FILIP1L: variants seen among roughly 807,000 people sequenced by gnomAD.
FILIP1L encodes filamin A interacting protein 1 like.
In FILIP1L, 55 loss-of-function variants were observed where a neutral mutation model predicts 96.6. The ratio of observed to expected loss-of-function variants is 0.57; its 90% CI spans 0.46 to 0.71. FILIP1L has a LOEUF of 0.71. Ranked by LOEUF, FILIP1L falls within the 30% of genes least tolerant of loss-of-function variation. The pLI, the probability that FILIP1L is intolerant of heterozygous loss-of-function variation, is 0.00. For synonymous variants in FILIP1L, 467 were observed against 473.9 expected (o/e 0.99, Z 0.19); for missense variants, 1,304 against 1,321.2 (o/e 0.99, Z 0.20).
intron 1 of FILIP1L, among the ~76,000 whole-genome samples, chr3:100,092,423 G>C (rs1474104120): frequency 1.3e-5 from 2 of 151,844 alleles, no homozygotes; most frequent in African/African-American, 4.8e-5. Flanking sequence ...TGAGAAGTTT[G>C]GCTTTTTTTT....
chr3:99,983,446 G>GTATA (rs1442427209), intron 1 of FILIP1L, among the ~76,000 whole-genome samples: 4 of 87,808 alleles, frequency 4.6e-5, no homozygotes, highest in Non-Finnish European at 6.3e-5. Context: ...ATATATGTAT[G>GTATA]TATATATATA....
At chr3:99,954,398 C>A (rs1708261596) in intron 1 of FILIP1L, among the ~76,000 whole-genome samples, 1 of 152,146 alleles carries the variant, frequency 6.6e-6, no homozygotes, top group African/African-American at 2.4e-5. Flanking sequence ...CATAATGGCT[C>A]CCAGTTTAAC....
chr3:99,864,798 G>A (rs957713185), intron 4 of FILIP1L, among the ~76,000 whole-genome samples: 6 of 151,904 alleles, frequency 3.9e-5, no homozygotes, highest in African/African-American at 1.5e-4. Context: ...GGAACCACTG[G>A]ATTCCCCCTC....
intron 4 of FILIP1L, among the ~76,000 whole-genome samples, chr3:99,907,903 G>A (rs1265891373): frequency 6.6e-6 from 1 of 152,196 alleles, no homozygotes; most frequent in Non-Finnish European, 1.5e-5. Context: ...GGCCATATGT[G>A]TGATCCAGTG....
At chr3:100,068,132 A>G (rs905989655) in intron 1 of FILIP1L, among the ~76,000 whole-genome samples, 1 of 152,274 alleles carries the variant, frequency 6.6e-6, no homozygotes, top group Admixed American at 6.5e-5. Context: ...CAAGGCAATC[A>G]GAGAAATGCA....
Position 99,848,345 on chromosome 3 carries a change from T to C in FILIP1L, c.3331A>G (p.Ile1111Val). Reference protein sequence around the residue: ...NKTTNKVTSSITITPTATPLP... With the variant: ...NKTTNKVTSSVTITPTATPLP... Reference sequence around the variant, plus strand: ...GGTGTGGCTGTTGGTGTGATAGTAATACTGCTGGTGACTTTATTGGTTGTT... The same window carrying C: ...GGTGTGGCTGTTGGTGTGATAGTAACACTGCTGGTGACTTTATTGGTTGTT... Residue 1111 changes from isoleucine (I) to valine (V), a missense_variant, in exon 5 of 6, where the codon ATT becomes GTT. Physicochemically the swap from Ile to Val is conservative, Grantham distance 29 (BLOSUM62 3). Transcript: ENST00000477258. 8 of 1,614,206 alleles carry C rather than the reference T, an allele frequency of 5.0e-6. No homozygotes were observed. Among genetic ancestry groups the C allele is most frequent in the Non-Finnish European group, 6.8e-6 (8 of 1,180,020 alleles).
At chr3:99,934,145 C>T (rs1336876999) in intron 1 of FILIP1L, among the ~76,000 whole-genome samples, 2 of 152,292 alleles carry the variant, frequency 1.3e-5, no homozygotes, top group East Asian at 3.9e-4. Flanking sequence ...ATTCCAAGAA[C>T]GTGAGAGTTG....
chr3:99,886,969 C>CA (rs544548363), intron 4 of FILIP1L, among the ~76,000 whole-genome samples: 2,237 of 89,774 alleles, frequency 0.025, 25 homozygotes, highest in African/African-American at 0.041. Flanking sequence ...GACTCCATCT[C>CA]AAAAAAAAAA....
At chr3:99,859,999 TAGTC>T (rs749248045) in intron 4 of FILIP1L, among the ~76,000 whole-genome samples, 16 of 152,206 alleles carry the variant, frequency 1.1e-4, no homozygotes, top group Non-Finnish European at 1.6e-4. Context: ...TCATTTGACT[TAGTC>T]AGCAAGATCA....
At chr3:99,879,299 G>A (rs961511350) in intron 4 of FILIP1L, among the ~76,000 whole-genome samples, 3 of 152,182 alleles carry the variant, frequency 2.0e-5, no homozygotes, top group African/African-American at 4.8e-5. Context: ...ATTATATTAT[G>A]TCAAAGACAG....
At chr3:100,014,070 A>G (rs1317358771) in intron 1 of FILIP1L, among the ~76,000 whole-genome samples, 1 of 151,746 alleles carries the variant, frequency 6.6e-6, no homozygotes, top group East Asian at 1.9e-4. Flanking sequence ...AGATCATACA[A>G]TGTTTGTCTC....
chr3:100,053,547 TCTTAA>T (rs1421752944), intron 1 of FILIP1L, among the ~76,000 whole-genome samples: 1 of 152,192 alleles, frequency 6.6e-6, no homozygotes, highest in Non-Finnish European at 1.5e-5. Flanking sequence ...TTTGACCTCA[TCTTAA>T]CTTGATTACG....
At chr3:100,015,933 A>G (rs1206410273) in intron 1 of FILIP1L, among the ~76,000 whole-genome samples, 3 of 152,218 alleles carry the variant, frequency 2.0e-5, no homozygotes, top group Non-Finnish European at 2.9e-5. Context: ...AACCTGATCC[A>G]TGCTAATCAA....
chr3:99,965,671 A>G (rs1393567676), intron 1 of FILIP1L, among the ~76,000 whole-genome samples: 2 of 152,174 alleles, frequency 1.3e-5, no homozygotes, highest in Admixed American at 6.5e-5. Context: ...ATTCCTTACT[A>G]TGATAAATAT....
intron 1 of FILIP1L, among the ~76,000 whole-genome samples, chr3:100,032,637 G>T (rs752689527): frequency 7.9e-5 from 12 of 152,034 alleles, no homozygotes; most frequent in Admixed American, 2.6e-4. Context: ...CTATATTGAC[G>T]AACTTTAAAA....
intron 1 of FILIP1L, among the ~76,000 whole-genome samples, chr3:99,983,464 GTATATATATATATATATATATATATA>G (rs1191587665): frequency 8.7e-4 from 11 of 12,676 alleles, no homozygotes; most frequent in Middle Eastern, 0.071. Flanking sequence ...ATATATGTGT[GTATATATATATATATATATATATATA>G]TATATATATA....
intron 1 of FILIP1L, among the ~76,000 whole-genome samples, chr3:100,104,424 G>C (rs2066360557): frequency 1.3e-5 from 2 of 152,270 alleles, no homozygotes; most frequent in South Asian, 4.1e-4. Context: ...CCCACACTTT[G>C]TTTGAGATAC....
At chr3:99,999,870 T>G (rs901317538) in intron 1 of FILIP1L, among the ~76,000 whole-genome samples, 1 of 152,146 alleles carries the variant, frequency 6.6e-6, no homozygotes, top group African/African-American at 2.4e-5. Flanking sequence ...ATGCTAAAAT[T>G]TAATAGTTCA....
chr3:99,886,299 GGGAATGAGT>G (rs1354726747), intron 4 of FILIP1L, among the ~76,000 whole-genome samples: 1 of 95,950 alleles, frequency 1.0e-5, no homozygotes, highest in Non-Finnish European at 2.2e-5. Context: ...CTGGTGAGAG[GGGAATGAGT>G]GTAAAGCAGG....
Sources: gnomAD v4.1 joint callset for allele counts (sites outside exome capture counted in the v4.1 genomes callset) on GRCh38, gnomAD v4.1.1 for gene constraint, MANE v1.5 for transcripts, NCBI Gene and HGNC (gene_info 2026-07-23, HGNC 2026-07-21) for gene names.